The following PPARGC1A variants were observed in gnomAD, a reference collection of about 807,000 sequenced individuals.
PPARGC1A encodes the protein PPARG coactivator 1 alpha.
In PPARGC1A, 25 loss-of-function variants were observed where a neutral mutation model predicts 88.7. That is an observed-to-expected ratio of 0.28 (90% CI 0.21 to 0.39). The LOEUF is 0.39. Ranked by LOEUF, PPARGC1A falls within the 10% of genes least tolerant of loss-of-function variation. The pLI is 1.00. For missense variants in PPARGC1A, 880 were observed against 968.7 expected (o/e 0.91, Z 1.22); for synonymous variants, 363 against 355.6 (o/e 1.02, Z -0.24).
chr4:24,135,263 AG>A, the PPARGC1A span, among the ~76,000 whole-genome samples: 3 of 152,182 alleles, frequency 2.0e-5, no homozygotes, highest in Non-Finnish European at 4.4e-5. Flanking sequence ...GAGTGGCTTC[AG>A]GCATAGTTGT....
chr4:24,190,850 G>A, the PPARGC1A span, among the ~76,000 whole-genome samples: 3 of 152,180 alleles, frequency 2.0e-5, no homozygotes, highest in African/African-American at 4.8e-5. Flanking sequence ...ACCGCTGGTG[G>A]ACTACGATAA....
the PPARGC1A span, among the ~76,000 whole-genome samples, chr4:23,914,482 C>T: frequency 6.6e-6 from 1 of 152,178 alleles, no homozygotes; most frequent in African/African-American, 2.4e-5. Flanking sequence ...GTCTGACTCC[C>T]ACAGTCCTGC....
chr4:23,804,942 T>C (rs973697668), intron 10 of PPARGC1A, among the ~76,000 whole-genome samples: 8 of 152,188 alleles, frequency 5.3e-5, no homozygotes, highest in African/African-American at 1.9e-4. Context: ...CCAATTGTAA[T>C]TAATAGTTTA....
rs944530256 is a variant in PPARGC1A at position 23,792,790 on chromosome 4, A to G, written c.*3032T>C. 3 of 152,420 alleles carry G rather than the reference A, an allele frequency of 2.0e-5. No homozygotes were observed. Among genetic ancestry groups the G allele is most frequent in the Non-Finnish European group, 4.4e-5 (3 of 68,012 alleles). 9.4% of individuals were successfully genotyped at this position (152,420 alleles called of 1,614,324 possible). ...TCATTTGAAATATTCTCTCCCAAAA[A>G]AATAAAAATAAAAATGAGAGGAGCA... On this transcript the variant is annotated 3_prime_UTR_variant, in exon 13 of 13. Coordinates refer to ENST00000264867, the MANE Select transcript of PPARGC1A (RefSeq NM_013261.5).
the PPARGC1A span, among the ~76,000 whole-genome samples, chr4:24,255,800 GC>G: frequency 6.6e-6 from 1 of 152,190 alleles, no homozygotes; most frequent in Admixed American, 6.5e-5. Context: ...CAAACTTTAA[GC>G]TATCAGATGA....
the PPARGC1A span, among the ~76,000 whole-genome samples, chr4:24,471,631 G>A: frequency 6.6e-6 from 1 of 152,038 alleles, no homozygotes; most frequent in African/African-American, 2.4e-5. The surrounding 1 kb of genome is among the most constrained non-coding windows in gnomAD (Gnocchi z 5.4). Context: ...CCCCCCTTCC[G>A]GCGTCTACCC....
At chr4:24,122,455 AG>A in the PPARGC1A span, among the ~76,000 whole-genome samples, 345 of 150,400 alleles carry the variant, frequency 2.3e-3, 5 homozygotes, top group East Asian at 0.041. Context: ...AGAGAGAGAG[AG>A]AGAGATCTAT....
At chr4:23,994,552 T>A in the PPARGC1A span, among the ~76,000 whole-genome samples, 33 of 152,192 alleles carry the variant, frequency 2.2e-4, no homozygotes, top group African/African-American at 7.7e-4. Context: ...AAAGGTCACA[T>A]AGATAATACG....
At chr4:24,428,684 T>C in the PPARGC1A span, among the ~76,000 whole-genome samples, 2 of 152,194 alleles carry the variant, frequency 1.3e-5, no homozygotes, top group African/African-American at 4.8e-5. Flanking sequence ...GGCTGGTACA[T>C]CTTCTAAAAT....
chr4:24,027,805 T>C, the PPARGC1A span, among the ~76,000 whole-genome samples: 1 of 152,206 alleles, frequency 6.6e-6, no homozygotes, highest in African/African-American at 2.4e-5. Context: ...GGTTGAAGGC[T>C]GTGGATTTTC....
intron 7 of PPARGC1A, among the ~76,000 whole-genome samples, chr4:23,818,044 A>G (rs1475997258): frequency 2.6e-5 from 4 of 152,116 alleles, no homozygotes; most frequent in Non-Finnish European, 5.9e-5. Context: ...TCAGTGCTCA[A>G]TCCCTTGATG....
chr4:24,075,736 C>T, the PPARGC1A span, among the ~76,000 whole-genome samples: 6 of 152,122 alleles, frequency 3.9e-5, no homozygotes, highest in South Asian at 4.1e-4. Flanking sequence ...CCATGTAAGA[C>T]GTGGCTTTTC....
At chr4:23,838,907 T>TAA (rs35695071) in intron 2 of PPARGC1A, among the ~76,000 whole-genome samples, 1 of 151,858 alleles carries the variant, frequency 6.6e-6, no homozygotes, top group Non-Finnish European at 1.5e-5. Context: ...TAGTTGACTA[T>TAA]AAAAAAATGT....
the PPARGC1A span, among the ~76,000 whole-genome samples, chr4:24,229,152 C>CTTTTTTTTTTTTTTTT: frequency 1.2e-3 from 71 of 60,910 alleles, 12 homozygotes; most frequent in African/African-American, 2.3e-3. Context: ...GTATCTGGAC[C>CTTTTTTTTTTTTTTTT]TTTTTTTTTT....
At chr4:24,406,079 A>G in the PPARGC1A span, among the ~76,000 whole-genome samples, 1 of 152,200 alleles carries the variant, frequency 6.6e-6, no homozygotes, top group Non-Finnish European at 1.5e-5. Flanking sequence ...CTCTTTGTCC[A>G]TGGGAAAGGC....
chr4:23,815,894 G>GA (rs1427219061), intron 7 of PPARGC1A, among the ~76,000 whole-genome samples: 5 of 151,780 alleles, frequency 3.3e-5, no homozygotes, highest in Non-Finnish European at 5.9e-5. Flanking sequence ...TACCTTGCTG[G>GA]AAAAAAAATA....
chr4:24,339,227 T>TACACACACACAC, the PPARGC1A span, among the ~76,000 whole-genome samples: 2 of 89,618 alleles, frequency 2.2e-5, no homozygotes, highest in African/African-American at 7.2e-5. Context: ...TATATATATA[T>TACACACACACAC]ATATATATAT....
chr4:23,885,103 G>C (rs945754147), intron 1 of PPARGC1A, among the ~76,000 whole-genome samples, 172 bp from the exon 2 acceptor site: 2 of 152,108 alleles, frequency 1.3e-5, no homozygotes, highest in Admixed American at 6.5e-5. Flanking sequence ...TTACTCACTT[G>C]GCTCCTGAAG....
the PPARGC1A span, among the ~76,000 whole-genome samples, chr4:24,344,690 C>T: frequency 6.6e-6 from 1 of 151,924 alleles, no homozygotes; most frequent in Non-Finnish European, 1.5e-5. Flanking sequence ...AGATTTTCTC[C>T]TACTCTGTGA....
Sources: allele counts gnomAD v4.1 joint callset (sites outside exome capture counted in the v4.1 genomes callset), GRCh38; gene constraint gnomAD v4.1.1; non-coding constraint Gnocchi (gnomAD v3.1); transcripts MANE v1.5; gene names NCBI Gene and HGNC (gene_info 2026-07-23, HGNC 2026-07-21).